Variants in SRGAP1 observed in about 807,000 individuals in gnomAD.
SRGAP1 encodes the protein SLIT-ROBO Rho GTPase activating protein 1, also known as SLIT-ROBO Rho GTPase-activating protein 1.
A neutral mutation model predicts 121.9 loss-of-function variants in SRGAP1; 43 were observed. The observed-to-expected ratio is 0.35, with a 90% CI of 0.28 to 0.46. The LOEUF (loss-of-function observed/expected upper bound fraction) is 0.46, where lower values mean the gene tolerates loss of function less well. SRGAP1 is among the 20% of genes least tolerant of loss of function. The probability of loss-of-function intolerance (pLI) is 1.00; values close to 1 mark genes in which losing one functional copy is unlikely to be tolerated. For synonymous variants in SRGAP1, 447 were observed against 485.4 expected (o/e 0.92, Z 1.04); for missense variants, 1,102 against 1,350.9 (o/e 0.82, Z 2.89).
intron 8 of SRGAP1, among the ~76,000 whole-genome samples, chr12:64,069,953 G>A (rs1385183320): frequency 2.6e-5 from 4 of 152,098 alleles, no homozygotes; most frequent in Admixed American, 6.5e-5. Flanking sequence ...TCCCCAGGCC[G>A]GTTGAACTCC....
intron 1 of SRGAP1, among the ~76,000 whole-genome samples, chr12:63,951,735 G>A (rs769996503): frequency 3.3e-5 from 5 of 152,090 alleles, no homozygotes; most frequent in Non-Finnish European, 5.9e-5. Flanking sequence ...GAATGTTTAT[G>A]TTGATGGAAT....
intron 3 of SRGAP1, among the ~76,000 whole-genome samples, chr12:64,002,299 A>G (rs554364379): frequency 3.3e-5 from 5 of 152,252 alleles, no homozygotes; most frequent in South Asian, 4.2e-4. Context: ...ACTACCTACA[A>G]CTCTGAAATA....
At chr12:64,080,181 T>C (rs945009814) in intron 9 of SRGAP1, 105 bp from the exon 10 acceptor site, 5 of 821,548 alleles carry the variant, frequency 6.1e-6, no homozygotes, top group Non-Finnish European at 7.4e-6. Context: ...AGGAAGAGGT[T>C]GCAGTGAGCC....
intron 1 of SRGAP1, among the ~76,000 whole-genome samples, chr12:63,964,258 C>T (rs984688974): frequency 1.3e-5 from 2 of 152,122 alleles, no homozygotes; most frequent in African/African-American, 2.4e-5. Context: ...TTGTGTCTGA[C>T]ATAATATCCA....
chr12:64,009,568 G>A (rs931162224), intron 3 of SRGAP1, among the ~76,000 whole-genome samples: 3 of 152,068 alleles, frequency 2.0e-5, no homozygotes, highest in Non-Finnish European at 2.9e-5. Flanking sequence ...AGCAACAGCC[G>A]ACCTTTTTCA....
At chr12:64,108,049 T>G (rs927079308) in intron 15 of SRGAP1, among the ~76,000 whole-genome samples, 6 of 152,336 alleles carry the variant, frequency 3.9e-5, no homozygotes, top group Admixed American at 1.3e-4. Flanking sequence ...TTTCCTAATC[T>G]GATAAATGGG....
intron 15 of SRGAP1, among the ~76,000 whole-genome samples, chr12:64,099,435 T>C (rs1222787850): frequency 1.3e-5 from 2 of 152,134 alleles, no homozygotes; most frequent in Non-Finnish European, 2.9e-5. Flanking sequence ...TTAAATAGAA[T>C]TTATAGATGA....
At chr12:63,992,503 G>C (rs968593562) in intron 3 of SRGAP1, among the ~76,000 whole-genome samples, 1 of 152,078 alleles carries the variant, frequency 6.6e-6, no homozygotes. Flanking sequence ...TTTGGGGAGG[G>C]ATTAAGTAAT....
intron 8 of SRGAP1, among the ~76,000 whole-genome samples, chr12:64,077,269 C>G (rs954994768): frequency 1.3e-5 from 2 of 151,854 alleles, no homozygotes; most frequent in Non-Finnish European, 2.9e-5. Flanking sequence ...AAAATAACTG[C>G]TGCACAGAAA....
intron 18 of SRGAP1, among the ~76,000 whole-genome samples, chr12:64,123,443 A>G (rs939543907): frequency 3.3e-5 from 5 of 152,166 alleles, no homozygotes; most frequent in Admixed American, 2.0e-4. Context: ...CTGTCATCTC[A>G]AGTCAACCAG....
At position 64,144,736 on chromosome 12, in the gene SRGAP1, C is replaced by T. The variant is rs372669952; in HGVS notation, c.*2064C>T. ...GGGGTCCTTCAGCACCCTTGGACAC[C>T]GTGGAGATCCAGCCAAGACTGAGCT... On this transcript the variant is annotated 3_prime_UTR_variant, in exon 22 of 22. Coordinates refer to ENST00000355086, the MANE Select transcript of SRGAP1 (RefSeq NM_020762.4). 7 of 151,968 alleles carry T rather than the reference C, an allele frequency of 4.6e-5. No homozygotes were observed. In the East Asian group the frequency reaches 9.7e-4, roughly 21 times the overall value. 9.4% of individuals were successfully genotyped at this position (151,968 alleles called of 1,614,324 possible).
intron 15 of SRGAP1, 109 bp downstream of exon 15, chr12:64,097,484 A>G: frequency 8.9e-7 from 1 of 1,118,196 alleles, no homozygotes; most frequent in African/African-American, 1.8e-5. Context: ...TTACCCCATT[A>G]CCACCATATT....
intron 3 of SRGAP1, among the ~76,000 whole-genome samples, chr12:64,003,478 GA>G (rs531819299): frequency 0.12 from 5,267 of 42,844 alleles, 252 homozygotes; most frequent in African/African-American, 0.28. Context: ...GGAAGTTTCA[GA>G]AAAAAAAAAA....
intron 1 of SRGAP1, among the ~76,000 whole-genome samples, chr12:63,944,770 C>T (rs559149020): frequency 4.6e-4 from 70 of 152,334 alleles, no homozygotes; most frequent in African/African-American, 1.6e-3. Context: ...CCATCACTCC[C>T]ATAAAAGCTC....
intron 1 of SRGAP1, among the ~76,000 whole-genome samples, chr12:63,906,437 C>G (rs1489748479): frequency 6.6e-6 from 1 of 152,064 alleles, no homozygotes; most frequent in Non-Finnish European, 1.5e-5. Flanking sequence ...GCCTCAGCCT[C>G]CCGAGTAGCT....
chr12:63,984,278 T>C, intron 2 of SRGAP1, 136 bp downstream of exon 2: 1 of 422,332 alleles, frequency 2.4e-6, no homozygotes, highest in Non-Finnish European at 4.1e-6. Context: ...AAAGCAGCCC[T>C]CTACATTTGT....
At chr12:63,946,266 G>A (rs1224742853) in intron 1 of SRGAP1, among the ~76,000 whole-genome samples, 2 of 150,330 alleles carry the variant, frequency 1.3e-5, no homozygotes, top group Non-Finnish European at 3.0e-5. Flanking sequence ...ATATCTATTT[G>A]GATTTATGAA....
At chr12:63,856,894 A>G (rs1260276304) in intron 1 of SRGAP1, among the ~76,000 whole-genome samples, 1 of 152,174 alleles carries the variant, frequency 6.6e-6, no homozygotes, top group East Asian at 1.9e-4. Context: ...GCATCTATAT[A>G]TTAGTTCTTC....
chr12:63,914,101 A>G (rs2030674875), intron 1 of SRGAP1, among the ~76,000 whole-genome samples: 1 of 152,224 alleles, frequency 6.6e-6, no homozygotes, highest in Non-Finnish European at 1.5e-5. Flanking sequence ...TGTGACTCTC[A>G]TAAAACCATT....
Sources: gnomAD v4.1 joint callset for allele counts (sites outside exome capture counted in the v4.1 genomes callset) on GRCh38, gnomAD v4.1.1 for gene constraint, MANE v1.5 for transcripts, NCBI Gene and HGNC (gene_info 2026-07-23, HGNC 2026-07-21) for gene names.